Variants in AKAP9 observed in about 807,000 individuals in gnomAD.
The protein encoded by AKAP9 is A-kinase anchoring protein 9.
AKAP9 carries 311 observed loss-of-function variants against 488.5 expected under a neutral mutation model. The ratio of observed to expected loss-of-function variants is 0.64; its 90% confidence interval spans 0.58 to 0.70. The LOEUF (loss-of-function observed/expected upper bound fraction) is 0.70, where lower values mean the gene tolerates loss of function less well. AKAP9 is among the 30% of genes least tolerant of loss of function. The probability of loss-of-function intolerance (pLI) is 0.00; values close to 1 mark genes in which losing one functional copy is unlikely to be tolerated. For synonymous variants in AKAP9, 1,462 were observed against 1,483.5 expected, an observed-to-expected ratio of 0.99 and a Z score of 0.33; for missense variants, 4,215 against 4,374.5, an observed-to-expected ratio of 0.96 and a Z score of 1.03.
At chr7:92,110,059 T>A (rs1376618052) in intron 49 of AKAP9, 63 bp from the exon 50 acceptor site, 1 of 1,209,772 alleles carries the variant, frequency 8.3e-7, no homozygotes, top group Non-Finnish European at 1.2e-6. Context: ...TGAACTCTGG[T>A]GGGTCTGATA....
chr7:92,076,063 T>C (rs1307367321), intron 28 of AKAP9, among the ~76,000 whole-genome samples: 1 of 152,228 alleles, frequency 6.6e-6, no homozygotes, highest in Non-Finnish European at 1.5e-5. Context: ...TTGGAAATCA[T>C]TCATTCACTT....
chr7:92,022,737 C>A, intron 13 of AKAP9, 77 bp from the exon 14 acceptor site: 1 of 951,570 alleles, frequency 1.1e-6, no homozygotes, highest in Non-Finnish European at 1.6e-6. Flanking sequence ...TTAATATTTT[C>A]TGTACACAGT....
rs777351111 is a variant in AKAP9 at position 92,016,113 on chromosome 7, A to G, written c.3613-16A>G. 1.6e-5 allele frequency: 25 copies of G among 1,591,110 alleles called. No homozygotes were observed. Among genetic ancestry groups the G allele is most frequent in the Non-Finnish European group, 2.1e-5 (24 of 1,161,162 alleles). On this transcript the variant is annotated splice_polypyrimidine_tract_variant and intron_variant, in intron 10 of 49. Transcript: ENST00000356239. ...AAATTTAAATTCCTTAAAATACACAATTTTGTTGTTAACAGACTTTATGCA... is the reference window on the plus strand; with the variant it reads ...AAATTTAAATTCCTTAAAATACACAGTTTTGTTGTTAACAGACTTTATGCA...
chr7:92,016,818 A>T (rs1400202713), intron 11 of AKAP9, among the ~76,000 whole-genome samples, 199 bp from the exon 12 acceptor site: 2 of 152,098 alleles, frequency 1.3e-5, no homozygotes, highest in African/African-American at 4.8e-5. Context: ...AAATTAACAT[A>T]TTTTAATATG....
At chr7:92,099,491 T>A (rs1294818997) in intron 43 of AKAP9, among the ~76,000 whole-genome samples, 196 bp from the exon 44 acceptor site, 1 of 152,144 alleles carries the variant, frequency 6.6e-6, no homozygotes, top group Non-Finnish European at 1.5e-5. Flanking sequence ...CAATACACAC[T>A]CGCTCAAGCC....
intron 7 of AKAP9, among the ~76,000 whole-genome samples, chr7:91,999,556 C>T (rs900333516): frequency 1.3e-5 from 2 of 152,156 alleles, no homozygotes; most frequent in African/African-American, 4.8e-5. Context: ...TTAAAAGCCA[C>T]ATAATAATTA....
intron 21 of AKAP9, among the ~76,000 whole-genome samples, chr7:92,049,009 A>C (rs1395062597): frequency 6.6e-6 from 1 of 152,116 alleles, no homozygotes; most frequent in East Asian, 1.9e-4. Flanking sequence ...TTTCCATTGG[A>C]GCCATTAGAG....
At chr7:91,991,624 A>G (rs945213839) in intron 3 of AKAP9, among the ~76,000 whole-genome samples, 3 of 151,938 alleles carry the variant, frequency 2.0e-5, no homozygotes, top group African/African-American at 7.3e-5. Context: ...GGCACCCGCC[A>G]CCACACCCGG....
At chr7:92,098,427 A>G in intron 43 of AKAP9, among the ~76,000 whole-genome samples, 1 of 152,150 alleles carries the variant, frequency 6.6e-6, no homozygotes, top group East Asian at 1.9e-4. Flanking sequence ...ATTGTCATTG[A>G]ATAATTATGT....
rs765054798 is a variant in AKAP9 at position 92,031,595 on chromosome 7, AG to A, written c.4330del (p.Val1444Ter). 2 of 1,607,820 alleles carry A rather than the reference AG, an allele frequency of 1.2e-6. No individual in the cohort carries two copies. ...KQYQEQLEEE[V>X]AKVIVSMSIA... The stretch of plus-strand genomic sequence containing the variant: ...AATACCAAGAACAATTAGAAGAAGA[AG>A]TAGCTAAGGTAGGCTTATAGCTTAT... On this transcript the variant is annotated frameshift_variant, in exon 16 of 50. Coordinates refer to ENST00000356239, the MANE Select transcript of AKAP9 (RefSeq NM_005751.5). LOFTEE classifies it high-confidence loss of function.
chr7:92,080,487 A>G (rs1414692257), intron 31 of AKAP9, among the ~76,000 whole-genome samples: 2 of 151,720 alleles, frequency 1.3e-5, no homozygotes, highest in Non-Finnish European at 2.9e-5. Flanking sequence ...AGTCCCAGCT[A>G]CTCGGGAGGC....
intron 47 of AKAP9, 83 bp downstream of exon 47, chr7:92,105,846 G>T (rs904705914): frequency 7.9e-7 from 1 of 1,266,714 alleles, no homozygotes; most frequent in Non-Finnish European, 1.1e-6. Flanking sequence ...GACCATACTT[G>T]TCTGTGGCCT....
rs555760587 is a variant in AKAP9 at position 92,038,449 on chromosome 7, C to T, written c.4369C>T (p.Gln1457Ter). The stretch of plus-strand genomic sequence containing the variant: ...TGTGTCAATGAGTATAGCATTTGCT[C>T]AACAAACTGAACTGTCTAGAATATC... ...VIVSMSIAFA[Q>*]QTELSRISGG... Residue 1457 changes from glutamine to a stop codon, truncating the protein, a stop_gained, in exon 17 of 50, where the codon CAA (glutamine) becomes TAA (stop). Coordinates refer to ENST00000356239, the MANE Select transcript of AKAP9 (RefSeq NM_005751.5). LOFTEE classifies it high-confidence loss of function. The T allele has an allele frequency of 1.9e-6, 3 of 1,613,584 alleles. No homozygotes were observed. The highest frequency in any genetic ancestry group is 2.5e-6 in the Non-Finnish European group (3 of 1,179,734).
intron 3 of AKAP9, among the ~76,000 whole-genome samples, chr7:91,989,535 A>G (rs1054897759): frequency 6.6e-5 from 10 of 152,114 alleles, no homozygotes; most frequent in African/African-American, 2.4e-4. Context: ...TATAGAGTCA[A>G]GACAAGTAGA....
At chr7:92,020,041 A>G (rs1396505535) in intron 12 of AKAP9, among the ~76,000 whole-genome samples, 1 of 152,110 alleles carries the variant, frequency 6.6e-6, no homozygotes, top group East Asian at 1.9e-4. Flanking sequence ...AGAAATGTAG[A>G]TAAATACGTT....
intron 1 of AKAP9, among the ~76,000 whole-genome samples, chr7:91,963,482 T>TGTCACA (rs1554381741): frequency 1.4e-5 from 2 of 139,232 alleles, no homozygotes; most frequent in South Asian, 2.5e-4. Context: ...AACATATTTG[T>TGTCACA]CACACACACA....
chr7:91,999,307 C>A (rs1284940023), intron 7 of AKAP9, among the ~76,000 whole-genome samples: 1 of 152,188 alleles, frequency 6.6e-6, no homozygotes, highest in Non-Finnish European at 1.5e-5. Flanking sequence ...CTCACTGCAA[C>A]CTCTGCCCTC....
At chr7:91,965,696 A>T (rs1794360377) in intron 1 of AKAP9, among the ~76,000 whole-genome samples, 1 of 152,162 alleles carries the variant, frequency 6.6e-6, no homozygotes, top group Non-Finnish European at 1.5e-5. Context: ...AGCATCTGTT[A>T]TTCCCTGTCT....
Position 92,003,235 on chromosome 7 carries a change from G to A in AKAP9, c.3318G>A (p.Gln1106=), listed in dbSNP as rs1799384769. The A allele has an allele frequency of 1.3e-6, 2 of 1,580,516 alleles. No individual in the cohort carries two copies. The highest frequency in any genetic ancestry group is 8.7e-7 in the Non-Finnish European group (1 of 1,151,622). The change falls in exon 8 of 50, where the codon CAG becomes CAA. Residue 1106 remains glutamine, a splice_region_variant and synonymous_variant. Coordinates refer to ENST00000356239, the MANE Select transcript of AKAP9 (RefSeq NM_005751.5). ...QKELNVLKSE[Q]NDLRLQMEAQ... ...AACTCAATGTACTTAAATCAGAACA[G>A]GTATGTTTACTTCTTCATATATGGT...
Sources: gnomAD v4.1 joint callset for allele counts (sites outside exome capture counted in the v4.1 genomes callset) on GRCh38, gnomAD v4.1.1 for gene constraint, MANE v1.5 for transcripts, NCBI Gene and HGNC (gene_info 2026-07-23, HGNC 2026-07-21) for gene names.